The following TUSC3 variants were observed in gnomAD, a reference collection of about 807,000 sequenced individuals.
TUSC3 encodes dolichyl-diphosphooligosaccharide--protein glycosyltransferase subunit TUSC3.
Under a neutral mutation model 44.8 loss-of-function variants are expected in TUSC3, and 45 were observed. The ratio of observed to expected loss-of-function variants is 1.00; its 90% CI spans 0.79 to 1.29. The LOEUF is 1.29. Among genes scored for constraint, TUSC3 ranks in the 50% most tolerant of loss-of-function variants. The pLI, the probability that TUSC3 is intolerant of heterozygous loss-of-function variation, is 0.00. For missense variants in TUSC3, 519 were observed against 437.9 expected, an observed-to-expected ratio of 1.19 and a Z score of -1.65; for synonymous variants, 212 against 152.9, an observed-to-expected ratio of 1.39 and a Z score of -2.85.
At chr8:15,656,787 A>G (rs555848384) in intron 3 of TUSC3, among the ~76,000 whole-genome samples, 1 of 152,344 alleles carries the variant, frequency 6.6e-6, no homozygotes, top group African/African-American at 2.4e-5. Flanking sequence ...AGTCTTTATC[A>G]GGACTCTTGG....
intron 2 of TUSC3, among the ~76,000 whole-genome samples, chr8:15,518,730 T>C (rs1023996822): frequency 1.6e-4 from 25 of 152,316 alleles, no homozygotes; most frequent in African/African-American, 2.2e-4. Context: ...TAATGGTTTA[T>C]GTAGGGGTAC....
intron 2 of TUSC3, among the ~76,000 whole-genome samples, chr8:15,499,174 C>T (rs911261292): frequency 4.6e-5 from 7 of 152,160 alleles, no homozygotes; most frequent in African/African-American, 1.2e-4. Flanking sequence ...CCAAGCCCCA[C>T]TAGCCTCTCT....
chr8:15,421,232 C>G (rs1343225677), intron 1 of TUSC3, among the ~76,000 whole-genome samples: 1 of 152,164 alleles, frequency 6.6e-6, no homozygotes, highest in Non-Finnish European at 1.5e-5. Flanking sequence ...GCAACATCCC[C>G]CTCATCTCAT....
At chr8:15,711,025 A>G (rs1809823678) in intron 6 of TUSC3, among the ~76,000 whole-genome samples, 1 of 151,596 alleles carries the variant, frequency 6.6e-6, no homozygotes, top group South Asian at 2.1e-4. Flanking sequence ...TATGTATAGT[A>G]AATTAAGAAC....
At chr8:15,444,962 G>A (rs1204119655) in intron 1 of TUSC3, among the ~76,000 whole-genome samples, 1 of 152,160 alleles carries the variant, frequency 6.6e-6, no homozygotes, top group Non-Finnish European at 1.5e-5. Context: ...TTCAGATGCA[G>A]GAGAAGGACA....
chr8:15,832,661 C>T, the TUSC3 span, among the ~76,000 whole-genome samples: 1 of 152,056 alleles, frequency 6.6e-6, no homozygotes, highest in Non-Finnish European at 1.5e-5. Flanking sequence ...AGACTTTAAA[C>T]CAACAAAGAC....
At chr8:15,428,552 T>TC (rs1206904953) in intron 1 of TUSC3, among the ~76,000 whole-genome samples, 1 of 152,166 alleles carries the variant, frequency 6.6e-6, no homozygotes, top group African/African-American at 2.4e-5. Flanking sequence ...CACACCGACT[T>TC]CCACAATGGC....
chr8:15,504,619 ATATTTTTTTTT>A (rs1801026660), intron 2 of TUSC3, among the ~76,000 whole-genome samples: 2 of 16,410 alleles, frequency 1.2e-4, no homozygotes, highest in African/African-American at 7.1e-4. Context: ...ATATATATAT[ATATTTTTTTTT>A]TTTTTTTTTT....
chr8:15,759,821 C>G (rs1015036714), intron 10 of TUSC3, among the ~76,000 whole-genome samples: 1 of 152,140 alleles, frequency 6.6e-6, no homozygotes, highest in African/African-American at 2.4e-5. Flanking sequence ...CACCTCACTA[C>G]GTTAAAAAAT....
the TUSC3 span, among the ~76,000 whole-genome samples, chr8:15,827,579 T>C: frequency 6.6e-6 from 1 of 152,156 alleles, no homozygotes; most frequent in Non-Finnish European, 1.5e-5. Flanking sequence ...CACCTCTAGA[T>C]TTTAGGCTTG....
chr8:15,618,930 T>C (rs1253253830), intron 1 of TUSC3, among the ~76,000 whole-genome samples: 1 of 152,082 alleles, frequency 6.6e-6, no homozygotes, highest in African/African-American at 2.4e-5. Context: ...GTGTATGGAG[T>C]CTGTTGTTAA....
intron 2 of TUSC3, among the ~76,000 whole-genome samples, chr8:15,529,984 A>G (rs1266637652): frequency 8.7e-6 from 1 of 114,492 alleles, no homozygotes; most frequent in African/African-American, 3.8e-5. Flanking sequence ...ACGGGGTTTC[A>G]CCTTGTTAGC....
At chr8:15,521,053 C>T (rs11203709) in intron 2 of TUSC3, among the ~76,000 whole-genome samples, 20,142 of 152,128 alleles carry the variant, frequency 0.13, 2,187 homozygotes, top group African/African-American at 0.29. Flanking sequence ...TCCAGCTTGA[C>T]GAGTAGATGA....
intron 2 of TUSC3, among the ~76,000 whole-genome samples, chr8:15,533,241 T>C (rs1017635367): frequency 1.3e-5 from 2 of 152,322 alleles, no homozygotes; most frequent in Middle Eastern, 3.4e-3. Context: ...TAAACCTCTT[T>C]TTCTTCCCGG....
chr8:15,519,494 C>T (rs900641048), intron 2 of TUSC3, among the ~76,000 whole-genome samples: 1 of 152,172 alleles, frequency 6.6e-6, no homozygotes, highest in African/African-American at 2.4e-5. Context: ...CCAGGCCACA[C>T]AGCAGGAGGT....
chr8:15,656,946 C>T (rs1256580774), intron 3 of TUSC3, among the ~76,000 whole-genome samples: 2 of 152,154 alleles, frequency 1.3e-5, no homozygotes, highest in Non-Finnish European at 2.9e-5. Flanking sequence ...AACACTTGAG[C>T]CTACTTGATC....
At chr8:15,639,982 T>C (rs1481323600) in intron 2 of TUSC3, among the ~76,000 whole-genome samples, 1 of 152,178 alleles carries the variant, frequency 6.6e-6, no homozygotes, top group Non-Finnish European at 1.5e-5. Context: ...ATAGCAGGCC[T>C]GAGATTGTTA....
At chr8:15,632,891 C>T (rs1805878974) in intron 2 of TUSC3, among the ~76,000 whole-genome samples, 1 of 152,132 alleles carries the variant, frequency 6.6e-6, no homozygotes, top group Admixed American at 6.5e-5. Context: ...AGTCTACTTT[C>T]TGGTACAAGA....
At chr8:15,764,079 G>A (rs530805007) in intron 10 of TUSC3, 124 bp from the exon 11 acceptor site, 2 of 1,025,936 alleles carry the variant, frequency 1.9e-6, no homozygotes, top group African/African-American at 1.6e-5. Context: ...ATTACAATTA[G>A]TTGAATACAA....
Sources: gnomAD v4.1 joint callset for allele counts (sites outside exome capture counted in the v4.1 genomes callset) on GRCh38, gnomAD v4.1.1 for gene constraint, MANE v1.5 for transcripts, NCBI Gene and HGNC (gene_info 2026-07-23, HGNC 2026-07-21) for gene names.